KANSL1L: variants seen among roughly 807,000 people sequenced by gnomAD.
The protein encoded by KANSL1L is KAT8 regulatory NSL complex subunit 1-like protein.
In KANSL1L, 25 loss-of-function variants were observed where a neutral mutation model predicts 108.6. That is an observed-to-expected ratio of 0.23 (90% CI 0.17 to 0.32). The LOEUF is 0.32. KANSL1L is among the 10% of genes least tolerant of loss of function. The probability of loss-of-function intolerance (pLI) is 1.00; values close to 1 mark genes in which losing one functional copy is unlikely to be tolerated. For synonymous variants in KANSL1L, 405 were observed against 395.1 expected (o/e 1.03, Z -0.30); for missense variants, 1,137 against 1,125.7 (o/e 1.01, Z -0.14).
chr2:210,075,642 G>T lies in KANSL1L; in HGVS notation c.1665C>A (p.Phe555Leu). 6.2e-7 allele frequency: 1 copy of T among 1,613,858 alleles called. No individual in the cohort carries two copies. The highest frequency in any genetic ancestry group is 8.5e-7 in the Non-Finnish European group (1 of 1,179,784). ...RTRLKSSSLT[F>L]MSTSARTRPL... ...GCCTTGTTCGGGCTGATGTACTCAT[G>T]AAAGTCAAGGATGAAGATTTCAGTC... Residue 555 changes from phenylalanine to leucine, a missense_variant, in exon 6 of 15, where the codon TTC becomes TTA. By Grantham distance (22) the Phe-to-Leu change is conservative (BLOSUM62 0). Transcript: ENST00000281772.
At chr2:210,037,062 A>AT (rs34373873) in intron 8 of KANSL1L, among the ~76,000 whole-genome samples, 5 of 151,974 alleles carry the variant, frequency 3.3e-5, no homozygotes, top group East Asian at 1.9e-4. Context: ...GACCTGCCTT[A>AT]TTTTTTTTAA....
In KANSL1L at chr2:210,031,547, C is replaced by G; in HGVS notation, c.2030-1G>C. 6.7e-7 allele frequency: 1 copy of G among 1,499,606 alleles called. No individual in the cohort carries two copies. Among genetic ancestry groups the G allele is most frequent in the African/African-American group, 1.4e-5 (1 of 70,752 alleles). The allele number at this position is 1,499,606 out of a possible 1,614,324, so 92.9% of individuals were successfully genotyped here. ...CTCCATTGATTCAGAGTACTATGTA[C>G]TAAAACAAATGAAAAGGAAATATTA... On this transcript the variant is annotated splice_acceptor_variant, in intron 8 of 14. Transcript: ENST00000281772. LOFTEE classifies it high-confidence loss of function.
At chr2:210,079,650 A>ATATATATATATGTGTGTG (rs2094571187) in intron 5 of KANSL1L, among the ~76,000 whole-genome samples, 2 of 19,542 alleles carry the variant, frequency 1.0e-4, no homozygotes, top group African/African-American at 1.7e-4. Flanking sequence ...ATATATATAT[A>ATATATATATATGTGTGTG]TATATATATA....
chr2:210,075,953 A>G (rs546497066), intron 5 of KANSL1L, among the ~76,000 whole-genome samples, 197 bp from the exon 6 acceptor site: 22 of 152,328 alleles, frequency 1.4e-4, no homozygotes, highest in Non-Finnish European at 3.1e-4. Context: ...TGTGAAAACC[A>G]TCTTTACATC....
chr2:210,083,806 G>T (rs2125357089), intron 5 of KANSL1L, among the ~76,000 whole-genome samples: 1 of 146,802 alleles, frequency 6.8e-6, no homozygotes, highest in South Asian at 2.2e-4. Context: ...TCCAGCCCTG[G>T]GCGACAGAGT....
intron 5 of KANSL1L, among the ~76,000 whole-genome samples, chr2:210,077,460 G>T (rs1559537789): frequency 6.6e-6 from 1 of 152,098 alleles, no homozygotes; most frequent in Non-Finnish European, 1.5e-5. Context: ...ATACAGGAGA[G>T]CCAATATGAA....
chr2:210,171,630 C>G (rs965580949), upstream of KANSL1L: 6 of 152,432 alleles, frequency 3.9e-5, no homozygotes, highest in African/African-American at 1.4e-4. Context: ...TTCCTCCCTT[C>G]TCTTTCCCAG....
chr2:210,153,327 C>G, intron 2 of KANSL1L, 168 bp downstream of exon 2: 5 of 570,362 alleles, frequency 8.8e-6, no homozygotes, highest in Non-Finnish European at 1.5e-5. Flanking sequence ...ACACTCCAGC[C>G]TGGGCGACAG....
intron 7 of KANSL1L, 106 bp from the exon 8 acceptor site, chr2:210,040,633 G>A (rs2094154754): frequency 2.0e-6 from 1 of 501,614 alleles, no homozygotes; most frequent in Non-Finnish European, 3.5e-6. Context: ...TAGCACATAA[G>A]CTTAAGAAAA....
chr2:210,167,156 G>C (rs1688035205), intron 1 of KANSL1L, among the ~76,000 whole-genome samples: 1 of 151,898 alleles, frequency 6.6e-6, no homozygotes, highest in African/African-American at 2.4e-5. Flanking sequence ...AAAAATACAG[G>C]AATTAATGGA....
intron 6 of KANSL1L, among the ~76,000 whole-genome samples, chr2:210,074,645 G>T (rs554412485): frequency 4.6e-5 from 7 of 152,172 alleles, no homozygotes; most frequent in Non-Finnish European, 5.9e-5. Flanking sequence ...ATAAGCCACC[G>T]TGCCGGGCAG....
At chr2:210,159,777 C>T (rs1014017811) in intron 1 of KANSL1L, among the ~76,000 whole-genome samples, 3 of 152,282 alleles carry the variant, frequency 2.0e-5, no homozygotes, top group East Asian at 1.9e-4. Flanking sequence ...ACAGGCCGGG[C>T]GCGGTGGCTC....
At chr2:210,102,705 C>T (rs1047848127) in intron 4 of KANSL1L, among the ~76,000 whole-genome samples, 1 of 152,170 alleles carries the variant, frequency 6.6e-6, no homozygotes, top group Non-Finnish European at 1.5e-5. Context: ...AACCAACAGA[C>T]ACGTGAAAAA....
intron 5 of KANSL1L, among the ~76,000 whole-genome samples, chr2:210,080,926 G>A (rs1007261294): frequency 3.3e-5 from 5 of 151,808 alleles, no homozygotes; most frequent in African/African-American, 1.2e-4. Flanking sequence ...GGCCAACATG[G>A]TGAAACCCTG....
At chr2:210,074,615 A>G (rs1042527354) in intron 6 of KANSL1L, among the ~76,000 whole-genome samples, 3 of 152,330 alleles carry the variant, frequency 2.0e-5, no homozygotes, top group Admixed American at 6.5e-5. Flanking sequence ...TTGGCCTCCC[A>G]AAGTACTGGG....
At chr2:210,107,520 AT>A (rs202060257) in intron 3 of KANSL1L, among the ~76,000 whole-genome samples, 1,686 of 130,664 alleles carry the variant, frequency 0.013, 22 homozygotes, top group African/African-American at 0.034. Context: ...CAAAAAAAAA[AT>A]ATATATATAT....
intron 3 of KANSL1L, among the ~76,000 whole-genome samples, chr2:210,126,435 A>T (rs1158732619): frequency 6.6e-6 from 1 of 152,048 alleles, no homozygotes; most frequent in African/African-American, 2.4e-5. Flanking sequence ...AATCTCCACA[A>T]CTCTTTTTAT....
At chr2:210,157,997 T>C (rs570241431) in intron 1 of KANSL1L, among the ~76,000 whole-genome samples, 4 of 152,252 alleles carry the variant, frequency 2.6e-5, no homozygotes, top group Admixed American at 6.5e-5. Flanking sequence ...CTAAGGCCCA[T>C]TTATGGTAGA....
At chr2:210,129,298 A>G (rs921770332) in intron 2 of KANSL1L, 126 bp from the exon 3 acceptor site, 13 of 729,578 alleles carry the variant, frequency 1.8e-5, no homozygotes, top group Non-Finnish European at 2.8e-5. Context: ...TAATTACAGG[A>G]AGAGAGAATG....
Sources: allele counts gnomAD v4.1 joint callset (sites outside exome capture counted in the v4.1 genomes callset), GRCh38; gene constraint gnomAD v4.1.1; transcripts MANE v1.5; gene names NCBI Gene and HGNC (gene_info 2026-07-23, HGNC 2026-07-21).